Variants in UNC5D observed in about 807,000 individuals in gnomAD.
UNC5D encodes the protein netrin receptor UNC5D.
A neutral mutation model predicts 105.4 loss-of-function variants in UNC5D; 39 were observed. The observed-to-expected ratio is 0.37, with a 90% CI of 0.29 to 0.48. UNC5D has a LOEUF of 0.48. Among genes scored for constraint, UNC5D ranks in the 20% least tolerant of loss-of-function variants. UNC5D has a pLI of 0.98. For missense variants in UNC5D, 991 were observed against 1,202.4 expected (o/e 0.82, Z 2.60); for synonymous variants, 452 against 450.4 (o/e 1.00, Z -0.04).
rs192952335 is a variant in UNC5D at position 35,698,374 on chromosome 8, C to A, written c.1085-7555C>A. Among the ~76,000 whole-genome samples, 45 of 152,052 alleles carry A rather than the reference C, an allele frequency of 3.0e-4. No homozygotes were observed. The East Asian group carries it at 8.3e-3, about 28-fold the overall frequency. On this transcript the variant is annotated intron_variant, in intron 7 of 16. Transcript: ENST00000404895. The stretch of plus-strand genomic sequence containing the variant: ...AGATTTCTAGGACTTCTTTATCTTG[C>A]CTAATTAAACTTTTTACCCCTTGAC...
intron 1 of UNC5D, among the ~76,000 whole-genome samples, chr8:35,353,260 C>T (rs1057226026): frequency 1.8e-4 from 27 of 152,128 alleles, no homozygotes; most frequent in African/African-American, 6.5e-4. Context: ...ATGAGCCAAG[C>T]ATTCACAGAG....
chr8:35,251,149 T>C (rs1185787608), intron 1 of UNC5D, among the ~76,000 whole-genome samples: 1 of 152,150 alleles, frequency 6.6e-6, no homozygotes, highest in Non-Finnish European at 1.5e-5. Flanking sequence ...ACTCGTCTGT[T>C]CTCATGTTGC....
intron 1 of UNC5D, among the ~76,000 whole-genome samples, chr8:35,520,307 G>C (rs543417980): frequency 1.3e-5 from 2 of 152,166 alleles, no homozygotes; most frequent in East Asian, 1.9e-4. Flanking sequence ...GAGGCCAGTC[G>C]CAAATGGTCA....
At chr8:35,712,776 C>T (rs549962290) in intron 8 of UNC5D, among the ~76,000 whole-genome samples, 5 of 152,280 alleles carry the variant, frequency 3.3e-5, no homozygotes, top group East Asian at 1.9e-4. Context: ...ATCCACAAAA[C>T]TGTCTGTGTC....
chr8:35,731,098 T>G lies in UNC5D; in HGVS notation c.1766+2T>G. The G allele has an allele frequency of 1.2e-6, 2 of 1,613,596 alleles. No homozygotes were observed. Among genetic ancestry groups the G allele is most frequent in the Non-Finnish European group, 1.7e-6 (2 of 1,179,676 alleles). ...GTCCATCAACCAAGGTGAACCCAGG[T>G]GAGAGACAGAGAATAGCATATTAAA... On this transcript the variant is annotated splice_donor_variant, in intron 11 of 16. Coordinates refer to ENST00000404895, the MANE Select transcript of UNC5D (RefSeq NM_080872.4). LOFTEE classifies it high-confidence loss of function.
At chr8:35,605,043 T>C (rs1563582128) in intron 4 of UNC5D, among the ~76,000 whole-genome samples, 1 of 152,328 alleles carries the variant, frequency 6.6e-6, no homozygotes, top group Non-Finnish European at 1.5e-5. Context: ...CTCTCTCAAC[T>C]CGTTAAAGTC....
intron 1 of UNC5D, among the ~76,000 whole-genome samples, chr8:35,407,507 T>TTGTATGTATGTATGTATGTATGTA (rs59074158): frequency 6.6e-6 from 1 of 150,802 alleles, no homozygotes; most frequent in African/African-American, 2.4e-5. Flanking sequence ...AGGTTTTCAT[T>TTGTATGTATGTATGTATGTATGTA]TGTATGTATG....
intron 4 of UNC5D, among the ~76,000 whole-genome samples, chr8:35,651,193 T>C (rs911247587): frequency 1.6e-4 from 24 of 152,292 alleles, no homozygotes; most frequent in African/African-American, 5.1e-4. Flanking sequence ...GTGGGACATG[T>C]TCCTTGAAAG....
chr8:35,350,542 T>C (rs1812166604), intron 1 of UNC5D, among the ~76,000 whole-genome samples: 1 of 152,054 alleles, frequency 6.6e-6, no homozygotes, highest in African/African-American at 2.4e-5. Context: ...TAGAGAACAC[T>C]GCAGGAATCA....
chr8:35,569,260 TA>T (rs1241607656), intron 3 of UNC5D, among the ~76,000 whole-genome samples: 1 of 152,146 alleles, frequency 6.6e-6, no homozygotes, highest in Non-Finnish European at 1.5e-5. Context: ...TGGATCCCCA[TA>T]AAACCTCTTT....
chr8:35,637,230 C>T (rs1822436774), intron 4 of UNC5D, among the ~76,000 whole-genome samples: 1 of 152,068 alleles, frequency 6.6e-6, no homozygotes, highest in Non-Finnish European at 1.5e-5. Context: ...TATTTTTCTG[C>T]TTTTGTCTTT....
intron 1 of UNC5D, among the ~76,000 whole-genome samples, chr8:35,529,884 T>C (rs1299297122): frequency 1.3e-5 from 2 of 149,884 alleles, no homozygotes; most frequent in Non-Finnish European, 3.0e-5. Context: ...GTGATTTTTG[T>C]ACATTGATTT....
intron 1 of UNC5D, among the ~76,000 whole-genome samples, chr8:35,309,653 C>T (rs1336205906): frequency 6.6e-6 from 1 of 152,154 alleles, no homozygotes; most frequent in Non-Finnish European, 1.5e-5. Context: ...ACCAGAATTC[C>T]TATGAACCAT....
chr8:35,333,624 C>G (rs1563321397), intron 1 of UNC5D, among the ~76,000 whole-genome samples: 1 of 152,030 alleles, frequency 6.6e-6, no homozygotes, highest in Admixed American at 6.6e-5. Flanking sequence ...GGATTATAGG[C>G]ACTTTCCCCC....
intron 14 of UNC5D, among the ~76,000 whole-genome samples, chr8:35,760,191 C>T (rs965025775): frequency 1.1e-4 from 16 of 151,756 alleles, no homozygotes; most frequent in Admixed American, 3.3e-4. Flanking sequence ...TACAGGTGCC[C>T]GTCACCATGC....
chr8:35,712,356 A>G (rs993126774), intron 8 of UNC5D, among the ~76,000 whole-genome samples: 2 of 152,212 alleles, frequency 1.3e-5, no homozygotes, highest in Admixed American at 6.5e-5. Flanking sequence ...ATTGTCCCAT[A>G]CAAATAATCT....
At chr8:35,454,839 A>G (rs1282526766) in intron 1 of UNC5D, among the ~76,000 whole-genome samples, 1 of 152,114 alleles carries the variant, frequency 6.6e-6, no homozygotes, top group Non-Finnish European at 1.5e-5. Flanking sequence ...GTAAAGGAAA[A>G]AATTTTCCTA....
At chr8:35,412,075 ACT>A (rs1805211501) in intron 1 of UNC5D, among the ~76,000 whole-genome samples, 1 of 151,476 alleles carries the variant, frequency 6.6e-6, no homozygotes, top group Admixed American at 6.6e-5. Flanking sequence ...TTTAAAAATC[ACT>A]CTGTTACTTT....
At chr8:35,342,447 G>A (rs1319027867) in intron 1 of UNC5D, among the ~76,000 whole-genome samples, 1 of 152,106 alleles carries the variant, frequency 6.6e-6, no homozygotes, top group African/African-American at 2.4e-5. Context: ...CAGGTAACTT[G>A]TTGGGAATCC....
Sources: allele counts gnomAD v4.1 joint callset (sites outside exome capture counted in the v4.1 genomes callset), GRCh38; gene constraint gnomAD v4.1.1; transcripts MANE v1.5; gene names NCBI Gene and HGNC (gene_info 2026-07-23, HGNC 2026-07-21).